The following SSBP2 variants were observed in gnomAD, a reference collection of about 807,000 sequenced individuals.
SSBP2 encodes the protein single-stranded DNA-binding protein 2.
In SSBP2, 17 loss-of-function variants were observed where a neutral mutation model predicts 61.8. The ratio of observed to expected loss-of-function variants is 0.28; its 90% CI spans 0.19 to 0.41. SSBP2 has a LOEUF of 0.41. Among genes scored for constraint, SSBP2 ranks in the 10% least tolerant of loss-of-function variants. The pLI, the probability that SSBP2 is intolerant of heterozygous loss-of-function variation, is 1.00. For missense variants in SSBP2, 310 were observed against 458.7 expected (o/e 0.68, Z 2.96); for synonymous variants, 139 against 141.3 (o/e 0.98, Z 0.12).
intron 4 of SSBP2, among the ~76,000 whole-genome samples, chr5:81,614,118 T>C (rs1485301323): frequency 6.6e-6 from 1 of 152,066 alleles, no homozygotes; most frequent in African/African-American, 2.4e-5. Flanking sequence ...CCCAGCACTT[T>C]GGGAGGCCGA....
intron 4 of SSBP2, among the ~76,000 whole-genome samples, chr5:81,560,369 C>T (rs1289619040): frequency 6.6e-6 from 1 of 152,060 alleles, no homozygotes; most frequent in Non-Finnish European, 1.5e-5. Flanking sequence ...AAACTCTGTA[C>T]TGCCAAAGGG....
chr5:81,611,362 C>A (rs1745422843), intron 4 of SSBP2, among the ~76,000 whole-genome samples: 1 of 152,000 alleles, frequency 6.6e-6, no homozygotes, highest in African/African-American at 2.4e-5. Flanking sequence ...AAAATACAAT[C>A]ATTTTAAATG....
chr5:81,640,212 C>T (rs375274435), intron 2 of SSBP2, among the ~76,000 whole-genome samples: 7 of 152,098 alleles, frequency 4.6e-5, no homozygotes, highest in South Asian at 2.1e-4. Flanking sequence ...TGGTGGTGTG[C>T]GCCTGTAGTC....
At chr5:81,531,146 G>A (rs1770366669) in intron 4 of SSBP2, among the ~76,000 whole-genome samples, 1 of 151,098 alleles carries the variant, frequency 6.6e-6, no homozygotes, top group Non-Finnish European at 1.5e-5. Flanking sequence ...GCTGAGGTGG[G>A]TGAATCACTT....
intron 2 of SSBP2, 54 bp downstream of exon 2, chr5:81,650,213 T>A: frequency 8.1e-7 from 1 of 1,240,392 alleles, no homozygotes; most frequent in Non-Finnish European, 1.1e-6. Context: ...ATAGTGTGTT[T>A]TCCATTCATT....
intron 5 of SSBP2, among the ~76,000 whole-genome samples, chr5:81,502,845 C>T (rs1767898681): frequency 6.6e-6 from 1 of 152,148 alleles, no homozygotes; most frequent in Middle Eastern, 3.2e-3. Flanking sequence ...AGCTTCTGCA[C>T]AGCAGAAGAA....
intron 1 of SSBP2, among the ~76,000 whole-genome samples, chr5:81,678,547 C>A (rs1752159381): frequency 6.6e-6 from 1 of 151,888 alleles, no homozygotes; most frequent in South Asian, 2.1e-4. Flanking sequence ...ACGTCAAACA[C>A]CAAACCACAA....
At chr5:81,747,387 T>C (rs545152773) in intron 1 of SSBP2, among the ~76,000 whole-genome samples, 1 of 152,238 alleles carries the variant, frequency 6.6e-6, no homozygotes, top group Non-Finnish European at 1.5e-5. Context: ...GTCTTAGTTT[T>C]CATATTTCTT....
chr5:81,558,777 G>C (rs1772799848), intron 4 of SSBP2, among the ~76,000 whole-genome samples: 1 of 152,038 alleles, frequency 6.6e-6, no homozygotes, highest in African/African-American at 2.4e-5. Context: ...TTTGACATAA[G>C]GTTCCAGGAC....
At chr5:81,490,047 A>T (rs1178500605) in intron 5 of SSBP2, among the ~76,000 whole-genome samples, 3 of 151,842 alleles carry the variant, frequency 2.0e-5, no homozygotes, top group African/African-American at 4.8e-5. Flanking sequence ...AAAAAAAAAA[A>T]TTGACTACAA....
At chr5:81,572,446 T>A (rs1457015252) in intron 4 of SSBP2, among the ~76,000 whole-genome samples, 1 of 152,188 alleles carries the variant, frequency 6.6e-6, no homozygotes, top group Non-Finnish European at 1.5e-5. Context: ...ACTCCATGGA[T>A]AAATCCAGAG....
chr5:81,532,074 T>C (rs866934105), intron 4 of SSBP2, among the ~76,000 whole-genome samples: 4 of 152,154 alleles, frequency 2.6e-5, no homozygotes, highest in African/African-American at 9.6e-5. Flanking sequence ...GCATGAAAAG[T>C]TATCAACTGA....
intron 1 of SSBP2, among the ~76,000 whole-genome samples, chr5:81,705,652 T>C (rs1471639191): frequency 6.6e-6 from 1 of 152,226 alleles, no homozygotes; most frequent in Non-Finnish European, 1.5e-5. Flanking sequence ...TCTTTGGAAG[T>C]CAAGTCCTTC....
intron 1 of SSBP2, among the ~76,000 whole-genome samples, chr5:81,712,894 T>C (rs924574870): frequency 6.6e-6 from 1 of 151,750 alleles, no homozygotes; most frequent in African/African-American, 2.4e-5. Context: ...CAGCTAATTT[T>C]TTTTGTATTT....
chr5:81,501,009 T>A (rs1176033820), intron 5 of SSBP2, among the ~76,000 whole-genome samples: 1 of 147,652 alleles, frequency 6.8e-6, no homozygotes, highest in African/African-American at 2.5e-5. Context: ...AGATCAGGAG[T>A]TTGAAACCAG....
chr5:81,695,109 T>C (rs929588530), intron 1 of SSBP2, among the ~76,000 whole-genome samples: 2 of 152,216 alleles, frequency 1.3e-5, no homozygotes, highest in African/African-American at 4.8e-5. Flanking sequence ...AGGAAAATAC[T>C]GATAAAATGC....
chr5:81,681,864 T>C (rs1234996408), intron 1 of SSBP2, among the ~76,000 whole-genome samples: 3 of 152,062 alleles, frequency 2.0e-5, no homozygotes, highest in African/African-American at 7.2e-5. Context: ...GTTACTAATA[T>C]CTGAAATGAA....
At chr5:81,533,820 C>G (rs759916145) in intron 4 of SSBP2, among the ~76,000 whole-genome samples, 3 of 152,044 alleles carry the variant, frequency 2.0e-5, no homozygotes, top group Non-Finnish European at 2.9e-5. Flanking sequence ...GTAGACAAAT[C>G]TGAGAGTCAA....
chr5:81,721,966 T>C (rs1274639095), intron 1 of SSBP2, among the ~76,000 whole-genome samples: 1 of 152,036 alleles, frequency 6.6e-6, no homozygotes, highest in African/African-American at 2.4e-5. Flanking sequence ...CCCTGATCTT[T>C]ACTAAAAGTT....
Sources: gnomAD v4.1 joint callset for allele counts (sites outside exome capture counted in the v4.1 genomes callset) on GRCh38, gnomAD v4.1.1 for gene constraint, MANE v1.5 for transcripts, NCBI Gene and HGNC (gene_info 2026-07-23, HGNC 2026-07-21) for gene names.